The following FAT3 variants were observed in gnomAD, a reference collection of about 807,000 sequenced individuals.
FAT3 encodes FAT atypical cadherin 3, also known as protocadherin Fat 3.
In FAT3, 95 loss-of-function variants were observed where a neutral mutation model predicts 310.2. The observed-to-expected ratio is 0.31, with a 90% confidence interval of 0.26 to 0.36. The LOEUF (loss-of-function observed/expected upper bound fraction) is 0.36, where lower values mean the gene tolerates loss of function less well. FAT3 is among the 10% of genes least tolerant of loss of function. The probability of loss-of-function intolerance (pLI) is 1.00; values close to 1 mark genes in which losing one functional copy is unlikely to be tolerated. For synonymous variants in FAT3, 2,314 were observed against 2,192.9 expected, an observed-to-expected ratio of 1.06 and a Z score of -1.54; for missense variants, 5,408 against 5,715.6, an observed-to-expected ratio of 0.95 and a Z score of 1.74.
intron 1 of FAT3, among the ~76,000 whole-genome samples, chr11:92,275,956 T>TTATGTCTGTGATACATATAAAA (rs1554997022): frequency 1.3e-5 from 2 of 150,872 alleles, no homozygotes; most frequent in Non-Finnish European, 3.0e-5. Flanking sequence ...TTGATCACGT[T>TTATGTCTGTGATACATATAAAA]TATGTGTGTG....
At chr11:92,614,487 C>T (rs1327135292) in intron 3 of FAT3, among the ~76,000 whole-genome samples, 3 of 152,286 alleles carry the variant, frequency 2.0e-5, no homozygotes, top group Non-Finnish European at 4.4e-5. Flanking sequence ...TTTGATTTCT[C>T]ACATGGCTAA....
At chr11:92,408,764 T>C (rs1186953627) in intron 2 of FAT3, among the ~76,000 whole-genome samples, 1 of 152,160 alleles carries the variant, frequency 6.6e-6, no homozygotes, top group African/African-American at 2.4e-5. Flanking sequence ...TAAGTGGTGA[T>C]GTTGAGAAAA....
At chr11:92,533,320 CCCCTGAG>C (rs1290246598) in intron 3 of FAT3, among the ~76,000 whole-genome samples, 1 of 152,144 alleles carries the variant, frequency 6.6e-6, no homozygotes, top group East Asian at 1.9e-4. Context: ...CTACACATAG[CCCCTGAG>C]CCACGTGCTG....
intron 4 of FAT3, among the ~76,000 whole-genome samples, chr11:92,758,650 T>A (rs1271972643): frequency 6.6e-6 from 1 of 152,172 alleles, no homozygotes; most frequent in Non-Finnish European, 1.5e-5. Context: ...ATGATCAGAT[T>A]TTTGAAGAAG....
At chr11:92,739,137 C>T (rs1480697657) in intron 4 of FAT3, among the ~76,000 whole-genome samples, 2 of 152,120 alleles carry the variant, frequency 1.3e-5, no homozygotes, top group Admixed American at 6.6e-5. Flanking sequence ...TGGATCTCAC[C>T]CTAAGCCTTT....
intron 2 of FAT3, among the ~76,000 whole-genome samples, chr11:92,412,724 T>TACAC (rs1565296236): frequency 2.7e-4 from 9 of 33,376 alleles, no homozygotes; most frequent in South Asian, 1.1e-3. Flanking sequence ...TATATATATA[T>TACAC]ATATATATAT....
chr11:92,862,416 C>T lies in FAT3; in HGVS notation c.11658+3094C>T, dbSNP rs145590212. ...AGAAATCAGTAGGAGAACACTTTAT[C>T]TCTGTGTCAGTCTTCCATCTCCAGT... is the stretch of plus-strand genomic sequence containing the variant. On this transcript the variant is annotated intron_variant, in intron 21 of 27. Transcript: ENST00000525166. Among the ~76,000 whole-genome samples the T allele has an allele frequency of 6.0e-3, 907 of 152,328 alleles. 13 individuals carry two copies. Among genetic ancestry groups the T allele is most frequent in the African/African-American group, 0.02 (843 of 41,560 alleles).
intron 1 of FAT3, among the ~76,000 whole-genome samples, chr11:92,231,613 T>C (rs1864183452): frequency 6.6e-6 from 1 of 152,222 alleles, no homozygotes; most frequent in Non-Finnish European, 1.5e-5. Context: ...GCCTTTTCAG[T>C]ACCATGGAAG....
chr11:92,841,509 C>G (rs1168107739), intron 18 of FAT3, among the ~76,000 whole-genome samples: 2 of 152,198 alleles, frequency 1.3e-5, no homozygotes, highest in South Asian at 2.1e-4. Flanking sequence ...CCTTACTTTA[C>G]TCCATGAAAC....
At chr11:92,294,619 T>C (rs1946800661) in intron 1 of FAT3, among the ~76,000 whole-genome samples, 1 of 151,920 alleles carries the variant, frequency 6.6e-6, no homozygotes, top group South Asian at 2.1e-4. Flanking sequence ...GTTCATTCTA[T>C]GTTGTTGTCT....
In FAT3 at chr11:92,802,849, G is replaced by T. The variant is rs566262658; in HGVS notation, c.8896+940G>T. On this transcript the variant is annotated intron_variant, in intron 10 of 27. Coordinates refer to ENST00000525166, the MANE Select transcript of FAT3 (RefSeq NM_001367949.2). Reference sequence around the variant, plus strand: ...AGACTGCCCTTAGGACATAGAATCTGCTTGAGTATGTTAGTAGGAAAGTTA... The same window carrying T: ...AGACTGCCCTTAGGACATAGAATCTTCTTGAGTATGTTAGTAGGAAAGTTA... Among the ~76,000 whole-genome samples the T allele has an allele frequency of 5.3e-5, 8 of 152,252 alleles. No homozygotes were observed. In the East Asian group the frequency reaches 1.5e-3, roughly 29 times the overall value.
At chr11:92,710,771 T>C (rs766335203) in intron 4 of FAT3, among the ~76,000 whole-genome samples, 1 of 152,196 alleles carries the variant, frequency 6.6e-6, no homozygotes, top group Non-Finnish European at 1.5e-5. Context: ...TCTTCAAAAA[T>C]GATGCTTCCA....
chr11:92,800,772 A>G lies in FAT3; in HGVS notation c.7759A>G (p.Arg2587Gly). 7.4e-6 allele frequency: 12 copies of G among 1,613,908 alleles called. No homozygotes were observed. The highest frequency in any genetic ancestry group is 1.0e-5 in the Non-Finnish European group (12 of 1,179,880). The change falls in exon 10 of 28, where the codon AGA (arginine) becomes GGA (glycine). Residue 2587 changes from arginine (R) to glycine (G), a missense_variant. Physicochemically the swap from Arg to Gly is moderately radical, Grantham distance 125. Transcript: ENST00000525166. ...GGGRTTFCTV[R>G]VIVVDENDNA... ...AGGGAGAACAACTTTCTGCACTGTGAGAGTGATTGTTGTGGATGAAAATGA... is the reference window on the plus strand; with the variant it reads ...AGGGAGAACAACTTTCTGCACTGTGGGAGTGATTGTTGTGGATGAAAATGA...
At chr11:92,474,038 G>A (rs1443066329) in intron 2 of FAT3, among the ~76,000 whole-genome samples, 1 of 152,142 alleles carries the variant, frequency 6.6e-6, no homozygotes, top group East Asian at 1.9e-4. Context: ...AATCCAACTG[G>A]AGAACGTAAC....
chr11:92,742,042 G>A lies in FAT3; in HGVS notation c.3670-19814G>A, dbSNP rs548304138. ...AACCAAAAGGAACTGATATTAGCTC[G>A]GCATCCGTTATGTGTCAGGACATGT... is the stretch of plus-strand genomic sequence containing the variant. On this transcript the variant is annotated intron_variant, in intron 4 of 27. Transcript: ENST00000525166. Among the ~76,000 whole-genome samples the A allele has an allele frequency of 5.3e-4, 80 of 152,198 alleles. No homozygotes were observed. The Middle Eastern group carries it at 0.01, about 19-fold the overall frequency.
At chr11:92,738,768 A>G (rs1239210035) in intron 4 of FAT3, among the ~76,000 whole-genome samples, 2 of 152,304 alleles carry the variant, frequency 1.3e-5, no homozygotes, top group Non-Finnish European at 2.9e-5. Context: ...TTGTATGGCT[A>G]TGCTGTCACC....
intron 3 of FAT3, among the ~76,000 whole-genome samples, chr11:92,617,785 C>G (rs1565460781): frequency 6.6e-6 from 1 of 152,136 alleles, no homozygotes. Flanking sequence ...ACCAGCGGAG[C>G]CTGCAGAACA....
At chr11:92,294,019 T>C (rs1278927928) in intron 1 of FAT3, among the ~76,000 whole-genome samples, 1 of 152,014 alleles carries the variant, frequency 6.6e-6, no homozygotes, top group Non-Finnish European at 1.5e-5. Context: ...TGGGCTGCCA[T>C]AACAAAATAT....
At chr11:92,281,930 C>T (rs188602782) in intron 1 of FAT3, among the ~76,000 whole-genome samples, 88 of 151,888 alleles carry the variant, frequency 5.8e-4, no homozygotes, top group East Asian at 2.3e-3. Context: ...TTTTGAGACA[C>T]AGTCTCTCTC....
Sources: gnomAD v4.1 joint callset for allele counts (sites outside exome capture counted in the v4.1 genomes callset) on GRCh38, gnomAD v4.1.1 for gene constraint, MANE v1.5 for transcripts, NCBI Gene and HGNC (gene_info 2026-07-23, HGNC 2026-07-21) for gene names.